TRPV4: variants seen among roughly 807,000 people sequenced by gnomAD.
TRPV4 encodes the protein OSM9-like transient receptor potential channel 4.
Under a neutral mutation model 84.1 loss-of-function variants are expected in TRPV4, and 58 were observed. That is an observed-to-expected ratio of 0.69 (90% CI 0.56 to 0.86). The LOEUF (loss-of-function observed/expected upper bound fraction) is 0.86, where lower values mean the gene tolerates loss of function less well. TRPV4 is among the 40% of genes least tolerant of loss of function. The probability of loss-of-function intolerance (pLI) is 0.00; values close to 1 mark genes in which losing one functional copy is unlikely to be tolerated. For synonymous variants in TRPV4, 489 were observed against 500.9 expected, an observed-to-expected ratio of 0.98 and a Z score of 0.32; for missense variants, 879 against 1,181.1, an observed-to-expected ratio of 0.74 and a Z score of 3.75.
chr12:109,805,879 G>T (rs1217850852), intron 3 of TRPV4, among the ~76,000 whole-genome samples: 2 of 152,210 alleles, frequency 1.3e-5, no homozygotes, highest in African/African-American at 4.8e-5. Flanking sequence ...ACTCAGTCCT[G>T]AATTCAGAAG....
At chr12:109,808,653 T>C (rs1415328334) in intron 2 of TRPV4, among the ~76,000 whole-genome samples, 185 bp from the exon 3 acceptor site, 2 of 152,132 alleles carry the variant, frequency 1.3e-5, no homozygotes, top group Admixed American at 1.3e-4. Flanking sequence ...CTATAGCTAG[T>C]ACCTACTGTG....
chr12:109,822,349 G>A (rs1773984749), intron 1 of TRPV4, among the ~76,000 whole-genome samples: 1 of 152,126 alleles, frequency 6.6e-6, no homozygotes, highest in South Asian at 2.1e-4. Context: ...CACTTCCTGT[G>A]GTACCCTCAA....
chr12:109,790,436 T>C (rs560958498), intron 12 of TRPV4, among the ~76,000 whole-genome samples: 71 of 152,344 alleles, frequency 4.7e-4, no homozygotes, highest in African/African-American at 1.6e-3. Flanking sequence ...CCAGAATGCT[T>C]CTTAGTGGCA....
intron 4 of TRPV4, among the ~76,000 whole-genome samples, chr12:109,801,829 CAAAAAAAAGAAAA>C (rs1241741877): frequency 1.3e-5 from 2 of 151,346 alleles, no homozygotes; most frequent in Non-Finnish European, 2.9e-5. Flanking sequence ...GACCTTGTCT[CAAAAAAAAGAAAA>C]CTCCTAGAGG....
intron 1 of TRPV4, among the ~76,000 whole-genome samples, chr12:109,831,564 A>C (rs1169570486): frequency 6.6e-6 from 1 of 152,270 alleles, no homozygotes; most frequent in Non-Finnish European, 1.5e-5. Flanking sequence ...GAGCTGGCAC[A>C]GGTGAGCTTG....
intron 12 of TRPV4, among the ~76,000 whole-genome samples, chr12:109,791,536 G>A (rs867333872): frequency 7.0e-6 from 1 of 142,210 alleles, no homozygotes; most frequent in Middle Eastern, 3.8e-3. Flanking sequence ...AGGCTGGAGT[G>A]CAGTGGTGCC....
At chr12:109,800,506 G>A in intron 5 of TRPV4, 112 bp downstream of exon 5, 2 of 1,391,340 alleles carry the variant, frequency 1.4e-6, no homozygotes, top group Middle Eastern at 1.8e-4. Flanking sequence ...CATGGCCAGA[G>A]TGGCCCTGGG....
chr12:109,787,022 G>C (rs181079231), intron 13 of TRPV4, among the ~76,000 whole-genome samples, 185 bp from the exon 14 acceptor site: 1 of 152,272 alleles, frequency 6.6e-6, no homozygotes. Context: ...AAAACAAATG[G>C]GTGAAACAGG....
chr12:109,799,839 C>T (rs1002818267), intron 5 of TRPV4, among the ~76,000 whole-genome samples: 10 of 152,146 alleles, frequency 6.6e-5, no homozygotes, highest in Middle Eastern at 3.4e-3. Context: ...TGGCTTACTG[C>T]AGCCTCGAAC....
chr12:109,827,109 C>T (rs187967415), intron 1 of TRPV4, among the ~76,000 whole-genome samples: 24 of 152,326 alleles, frequency 1.6e-4, no homozygotes, highest in African/African-American at 5.5e-4. Flanking sequence ...GTCTCCAAAG[C>T]GAACCTCTGC....
intron 7 of TRPV4, among the ~76,000 whole-genome samples, chr12:109,794,957 G>T (rs1411621835): frequency 6.6e-6 from 1 of 152,196 alleles, no homozygotes; most frequent in Non-Finnish European, 1.5e-5. Flanking sequence ...GGCGGAGATT[G>T]CAGTGAGCCT....
rs763207497 is a variant in TRPV4 at position 109,808,303 on chromosome 12, C to T, written c.552G>A (p.Glu184=). The T allele has an allele frequency of 1.2e-6, 2 of 1,614,088 alleles. No individual in the cohort carries two copies. The highest frequency in any genetic ancestry group is 2.7e-5 in the African/African-American group (2 of 74,930). The change falls in exon 3 of 16, where the codon GAG becomes GAA. Residue 184 remains glutamate, a synonymous_variant. Transcript: ENST00000261740. ...CCCATCTGGGTGGCTCACCTCGAAACTCCTCATCAGTTAGGCGTTTCTTGT... is the reference window on the plus strand; with the variant it reads ...CCCATCTGGGTGGCTCACCTCGAAATTCCTCATCAGTTAGGCGTTTCTTGT... ...LTHKKRLTDE[E]FREPSTGKTC...
At position 109,783,826 on chromosome 12, in the gene TRPV4, G is replaced by C. The variant is rs10774894; in HGVS notation, c.2459-48C>G. ...GGAGGGGTGGGGGTTGGTGGAGAGAGAGCGTGCGTATATTGAGTGCCTACT... is the reference window on the plus strand; with the variant it reads ...GGAGGGGTGGGGGTTGGTGGAGAGACAGCGTGCGTATATTGAGTGCCTACT... On this transcript the variant is annotated intron_variant, in intron 15 of 15. Transcript: ENST00000261740. The surrounding 1 kb of genome is among the most constrained non-coding windows in gnomAD (Gnocchi z 4.6). 813,777 of 1,601,946 alleles carry C rather than the reference G, an allele frequency of 0.51. 209,442 individuals carry two copies. Among genetic ancestry groups the C allele is most frequent in the East Asian group, 0.76 (33,849 of 44,746 alleles).
intron 12 of TRPV4, among the ~76,000 whole-genome samples, chr12:109,789,913 T>C (rs1219336392): frequency 6.6e-6 from 1 of 152,238 alleles, no homozygotes; most frequent in Non-Finnish European, 1.5e-5. Context: ...GTTTATGTCA[T>C]GTCAGCCTCA....
rs753038628 is a variant in TRPV4 at position 109,786,751 on chromosome 12, G to C, written c.2295C>G (p.Gly765=). Reference sequence around the variant, plus strand: ...GGTCAGGAGTGCCGTCCGAGCTCTTGCCCACGGTGACCATCTCCCCAGAGC... The same window carrying C: ...GGTCAGGAGTGCCGTCCGAGCTCTTCCCCACGGTGACCATCTCCCCAGAGC... The part of the protein sequence containing the change: ...AFRSGEMVTV[G]KSSDGTPDRR... The change falls in exon 14 of 16, where the codon GGC becomes GGG. Residue 765 remains glycine (G), a synonymous_variant. Transcript: ENST00000261740. This position sits in a 1 kb window ranked among gnomAD's most constrained non-coding sequence, Gnocchi z 4.5. The C allele has an allele frequency of 1.4e-5, 22 of 1,613,850 alleles. No homozygotes were observed. The highest frequency in any genetic ancestry group is 1.8e-5 in the Non-Finnish European group (21 of 1,180,032).
At chr12:109,827,567 A>T (rs1202117111) in intron 1 of TRPV4, among the ~76,000 whole-genome samples, 3 of 151,856 alleles carry the variant, frequency 2.0e-5, no homozygotes, top group African/African-American at 7.3e-5. Context: ...ACACACACAC[A>T]CACACTACAC....
chr12:109,800,570 G>T (rs373062236), intron 5 of TRPV4, 48 bp downstream of exon 5: 115 of 1,609,660 alleles, frequency 7.1e-5, no homozygotes, highest in Non-Finnish European at 9.4e-5. Flanking sequence ...GCTATCTCCC[G>T]CCATGCTTCT....
chr12:109,803,871 C>T (rs1404447025), intron 3 of TRPV4, among the ~76,000 whole-genome samples: 1 of 152,240 alleles, frequency 6.6e-6, no homozygotes. Flanking sequence ...CTTTCATACA[C>T]TAACAGGGAC....
intron 1 of TRPV4, among the ~76,000 whole-genome samples, chr12:109,817,317 C>A (rs1230334375): frequency 6.6e-6 from 1 of 152,120 alleles, no homozygotes; most frequent in Non-Finnish European, 1.5e-5. Flanking sequence ...AGGCATCAGG[C>A]GCACCCTCTG....
Sources: gnomAD v4.1 joint callset for allele counts (sites outside exome capture counted in the v4.1 genomes callset) on GRCh38, gnomAD v4.1.1 for gene constraint, Gnocchi (gnomAD v3.1) non-coding constraint, MANE v1.5 for transcripts, NCBI Gene and HGNC (gene_info 2026-07-23, HGNC 2026-07-21) for gene names.